Variants in CHRM2 observed in about 807,000 individuals in gnomAD.
CHRM2 encodes the protein muscarinic acetylcholine receptor M2.
Under a neutral mutation model 25.0 loss-of-function variants are expected in CHRM2, and 8 were observed. The ratio of observed to expected loss-of-function variants is 0.32; its 90% confidence interval spans 0.19 to 0.58. The LOEUF (loss-of-function observed/expected upper bound fraction) is 0.58. Ranked by LOEUF, CHRM2 falls within the 20% of genes least tolerant of loss-of-function variation. The pLI is 0.88. For synonymous variants in CHRM2, 202 were observed against 205.7 expected, an observed-to-expected ratio of 0.98 and a Z score of 0.15; for missense variants, 440 against 567.1, an observed-to-expected ratio of 0.78 and a Z score of 2.28.
chr7:137,011,215 G>GTGTGTGTGTATATA, intron 3 of CHRM2, among the ~76,000 whole-genome samples: 21 of 134,336 alleles, frequency 1.6e-4, no homozygotes, highest in African/African-American at 4.2e-4. Flanking sequence ...GTGTGTGTGT[G>GTGTGTGTGTATATA]TATATATATA....
At chr7:136,962,355 G>A (rs569901945) in intron 2 of CHRM2, among the ~76,000 whole-genome samples, 1 of 152,012 alleles carries the variant, frequency 6.6e-6, no homozygotes. Flanking sequence ...GGCTAGTCTC[G>A]AACTCCTGGC....
At chr7:136,983,094 T>C (rs1802596041) in intron 2 of CHRM2, among the ~76,000 whole-genome samples, 2 of 152,202 alleles carry the variant, frequency 1.3e-5, no homozygotes, top group African/African-American at 2.4e-5. Flanking sequence ...AACGTAGGTT[T>C]GGTCTTTTCA....
chr7:137,000,595 A>C (rs909051251), intron 3 of CHRM2, among the ~76,000 whole-genome samples: 9 of 58,158 alleles, frequency 1.5e-4, no homozygotes, highest in Non-Finnish European at 3.6e-4. Flanking sequence ...AAGGAAGGGA[A>C]AAAAAGCAAG....
chr7:136,950,254 C>T (rs1378646), intron 2 of CHRM2, among the ~76,000 whole-genome samples: 101,549 of 151,976 alleles, frequency 0.67, 34,685 homozygotes, highest in African/African-American at 0.78. Context: ...ATCAAGAAGA[C>T]GAAGTGCCCT....
intron 2 of CHRM2, among the ~76,000 whole-genome samples, chr7:136,905,395 C>T (rs1057126344): frequency 6.6e-5 from 10 of 151,580 alleles, no homozygotes; most frequent in Admixed American, 5.3e-4. Flanking sequence ...TAAAATAAAT[C>T]TACCTGATTT....
intron 2 of CHRM2, among the ~76,000 whole-genome samples, chr7:136,913,551 C>A (rs978439290): frequency 4.0e-5 from 6 of 151,866 alleles, no homozygotes; most frequent in African/African-American, 1.2e-4. Context: ...TTTGCCAATA[C>A]CTTTGACCTA....
chr7:136,978,930 T>C (rs186408180), intron 2 of CHRM2, among the ~76,000 whole-genome samples: 4 of 152,310 alleles, frequency 2.6e-5, no homozygotes, highest in East Asian at 1.9e-4. Flanking sequence ...TGTGTCTGTA[T>C]AGTAGAATGA....
intron 2 of CHRM2, among the ~76,000 whole-genome samples, chr7:136,968,210 T>TTGACC (rs902576469): frequency 6.6e-6 from 1 of 152,050 alleles, no homozygotes; most frequent in Non-Finnish European, 1.5e-5. Flanking sequence ...ATTTGTACCC[T>TTGACC]TGACCATCTC....
intron 3 of CHRM2, among the ~76,000 whole-genome samples, chr7:136,994,185 G>A (rs1375652481): frequency 1.3e-5 from 2 of 152,072 alleles, no homozygotes; most frequent in Non-Finnish European, 2.9e-5. Context: ...AAAATGAAGG[G>A]ATATTTTAAA....
At chr7:136,972,180 G>A (rs1034066958) in intron 2 of CHRM2, among the ~76,000 whole-genome samples, 1 of 151,544 alleles carries the variant, frequency 6.6e-6, no homozygotes, top group Non-Finnish European at 1.5e-5. Flanking sequence ...CCATCTTTCA[G>A]AATAACATAA....
At chr7:136,941,691 C>A (rs1253974095) in intron 2 of CHRM2, among the ~76,000 whole-genome samples, 1 of 152,186 alleles carries the variant, frequency 6.6e-6, no homozygotes, top group African/African-American at 2.4e-5. Flanking sequence ...TAGTGAAATG[C>A]CACTGAGAAT....
intron 2 of CHRM2, among the ~76,000 whole-genome samples, chr7:136,939,837 T>G (rs1188313241): frequency 6.6e-6 from 1 of 152,216 alleles, no homozygotes; most frequent in East Asian, 1.9e-4. Context: ...AATTAAATAT[T>G]GTGAAATGCA....
chr7:136,938,158 C>T lies in CHRM2; in HGVS notation c.-124-54029C>T, dbSNP rs578067311. On this transcript the variant is annotated intron_variant, in intron 2 of 3. Coordinates refer to ENST00000680005, the MANE Select transcript of CHRM2 (RefSeq NM_001006630.2). ...TCCTCTTCTTGTCAGGATCTGAATA[C>T]TATCTCTGCCCACTCTTCTGGAAGA... 1.4e-4 allele frequency: 93 copies of T among 681,692 alleles called. No individual in the cohort carries two copies. The East Asian group carries it at 2.4e-3, about 17-fold the overall frequency. 42.2% of individuals were successfully genotyped at this position (681,692 alleles called of 1,614,324 possible).
chr7:137,018,334 C>A lies in CHRM2; in HGVS notation c.*2068C>A, dbSNP rs1261902534. ...TCATTACCCCCCCAAAGTAATCTTC[C>A]ATATTTAAAGCATTCATTTATAGAG... is the stretch of plus-strand genomic sequence containing the variant. On this transcript the variant is annotated 3_prime_UTR_variant, in exon 4 of 4. Transcript: ENST00000680005. The A allele has an allele frequency of 6.6e-6, 1 of 151,876 alleles. No homozygotes were observed. Among genetic ancestry groups the A allele is most frequent in the Non-Finnish European group, 1.5e-5 (1 of 67,914 alleles). The allele number at this position is 151,876 out of a possible 1,614,324, so 9.4% of individuals were successfully genotyped here.
At chr7:136,959,460 G>A (rs1237355586) in intron 2 of CHRM2, among the ~76,000 whole-genome samples, 1 of 152,206 alleles carries the variant, frequency 6.6e-6, no homozygotes. Flanking sequence ...CCATAAGAGT[G>A]TAAATGTAGA....
chr7:136,904,383 T>C (rs1797416470), intron 2 of CHRM2, among the ~76,000 whole-genome samples: 1 of 151,966 alleles, frequency 6.6e-6, no homozygotes, highest in South Asian at 2.1e-4. Flanking sequence ...TTTGTTAAAT[T>C]ATAGATGGCT....
At chr7:136,906,940 CT>C in intron 2 of CHRM2, 1 of 153,094 alleles carries the variant, frequency 6.5e-6, no homozygotes, top group Non-Finnish European at 1.4e-5. Context: ...CCCTGAGCTT[CT>C]TTTCCCGCAA....
rs561949825 is a variant in CHRM2 at position 136,893,715 on chromosome 7, A to C, written c.-125+24297A>C. ...AGGAAGCCTTTTACCTGATTATGTA[A>C]CCAGCTCAGCTTAATTTCTAAGTGT... is the stretch of plus-strand genomic sequence containing the variant. On this transcript the variant is annotated intron_variant, in intron 2 of 3. Coordinates refer to ENST00000680005, the MANE Select transcript of CHRM2 (RefSeq NM_001006630.2). Among the ~76,000 whole-genome samples, 9 of 152,178 alleles carry C rather than the reference A, an allele frequency of 5.9e-5. No individual in the cohort carries two copies. The South Asian group carries it at 8.3e-4, about 14-fold the overall frequency.
intron 2 of CHRM2, among the ~76,000 whole-genome samples, chr7:136,985,524 A>C (rs1225707035): frequency 1.3e-5 from 2 of 150,294 alleles, no homozygotes; most frequent in Non-Finnish European, 1.5e-5. Flanking sequence ...AAAAAAAAAA[A>C]AAAACAAAAA....
Sources: allele counts gnomAD v4.1 joint callset (sites outside exome capture counted in the v4.1 genomes callset), GRCh38; gene constraint gnomAD v4.1.1; transcripts MANE v1.5; gene names NCBI Gene and HGNC (gene_info 2026-07-23, HGNC 2026-07-21).